The following MBP variants were observed in gnomAD, a reference collection of about 807,000 sequenced individuals.
The protein encoded by MBP is myelin basic protein, also known as Golli-MBP.
Under a neutral mutation model 35.8 loss-of-function variants are expected in MBP, and 16 were observed. That is an observed-to-expected ratio of 0.45 (90% CI 0.30 to 0.68). The LOEUF (loss-of-function observed/expected upper bound fraction) is 0.68. MBP is among the 30% of genes least tolerant of loss of function. The pLI, the probability that MBP is intolerant of heterozygous loss-of-function variation, is 0.08. For synonymous variants in MBP, 143 were observed against 159.6 expected (o/e 0.90, Z 0.78); for missense variants, 380 against 404.7 (o/e 0.94, Z 0.52).
rs1976006765 is a variant in MBP at position 77,101,509 on chromosome 18, C to T, written c.51+3702G>A. Among the ~76,000 whole-genome samples, 1 of 152,182 alleles carries T rather than the reference C, an allele frequency of 6.6e-6. No individual in the cohort carries two copies. The highest frequency in any genetic ancestry group is 2.1e-4 in the South Asian group (1 of 4,834). On this transcript the variant is annotated intron_variant, in intron 2 of 8. Coordinates refer to ENST00000355994, the MANE Select transcript of MBP (RefSeq NM_001025101.2). The surrounding 1 kb of genome is among the most constrained non-coding windows in gnomAD (Gnocchi z 4.3). ...AATCATGAGTCAGGAGGGCAGGCTG[C>T]CCACTCCTCTGATGGGCGGAGTGCT...
At chr18:77,125,315 T>C (rs1476512902) in intron 1 of MBP, among the ~76,000 whole-genome samples, 1 of 152,228 alleles carries the variant, frequency 6.6e-6, no homozygotes, top group African/African-American at 2.4e-5. Flanking sequence ...CTAATATAAA[T>C]TACTAATTAG....
chr18:77,099,429 T>C (rs1056227619), intron 2 of MBP, among the ~76,000 whole-genome samples: 3 of 152,238 alleles, frequency 2.0e-5, no homozygotes, highest in African/African-American at 7.2e-5. Context: ...TCATGAACAA[T>C]TTTTATATGG....
At chr18:77,115,379 T>C (rs1029115184) in intron 1 of MBP, 3 of 152,252 alleles carry the variant, frequency 2.0e-5, no homozygotes, top group African/African-American at 4.8e-5. Context: ...GCTCAGGCCA[T>C]GCGTACACAT....
At chr18:76,987,469 CT>C in intron 7 of MBP, 1 of 985,466 alleles carries the variant, frequency 1.0e-6, no homozygotes, top group Non-Finnish European at 1.2e-6. Flanking sequence ...ATCTGGGATC[CT>C]CATGGTCTCT....
Position 77,101,527 on chromosome 18 carries a change from G to A in MBP, c.51+3684C>T, listed in dbSNP as rs557836751. On this transcript the variant is annotated intron_variant, in intron 2 of 8. Coordinates refer to ENST00000355994, the MANE Select transcript of MBP (RefSeq NM_001025101.2). This position sits in a 1 kb window ranked among gnomAD's most constrained non-coding sequence, Gnocchi z 4.3. ...CAGGCTGCCCACTCCTCTGATGGGC[G>A]GAGTGCTTCTGCCTGAATCTGATGT... Among the ~76,000 whole-genome samples, 3 of 152,312 alleles carry A rather than the reference G, an allele frequency of 2.0e-5. No individual in the cohort carries two copies. The highest frequency in any genetic ancestry group is 1.3e-4 in the Admixed American group (2 of 15,308).
chr18:77,031,509 C>A (rs999195042), intron 3 of MBP, among the ~76,000 whole-genome samples: 1 of 152,228 alleles, frequency 6.6e-6, no homozygotes, highest in Non-Finnish European at 1.5e-5. Context: ...GACCTGAAGC[C>A]GGTCAGGTTC....
intron 7 of MBP, chr18:76,985,579 G>A (rs577718008): frequency 3.4e-5 from 37 of 1,095,342 alleles, no homozygotes; most frequent in African/African-American, 5.0e-5. Context: ...ACAGGAGGCC[G>A]GGGCTGCTGA....
chr18:77,052,624 T>C (rs1387182265), intron 3 of MBP, among the ~76,000 whole-genome samples: 3 of 152,334 alleles, frequency 2.0e-5, no homozygotes, highest in Non-Finnish European at 2.9e-5. Flanking sequence ...AATGCAGCTA[T>C]GATTTATGAG....
Position 76,989,359 on chromosome 18 carries a change from A to C in MBP, c.682-447T>G, listed in dbSNP as rs912124198. On this transcript the variant is annotated intron_variant, in intron 5 of 8. Coordinates refer to ENST00000355994, the MANE Select transcript of MBP (RefSeq NM_001025101.2). This position sits in a 1 kb window ranked among gnomAD's most constrained non-coding sequence, Gnocchi z 4.0. ...ATGTCTGCTGCACTGAGATCTTGGA[A>C]TTAGAAGCCTGTGGTTTTGTTCTTG... Among the ~76,000 whole-genome samples, 3 of 152,246 alleles carry C rather than the reference A, an allele frequency of 2.0e-5. No homozygotes were observed. The highest frequency in any genetic ancestry group is 4.4e-5 in the Non-Finnish European group (3 of 68,044).
rs1030508818 is a variant in MBP, at chr18:77,066,160, C to T, written c.139+138G>A. ...TACAGACATGAAGCAATGATCCCAG[C>T]CTCTATGTTTTAGTAATGAGTACAG... On this transcript the variant is annotated intron_variant, in intron 3 of 8. Coordinates refer to ENST00000355994, the MANE Select transcript of MBP (RefSeq NM_001025101.2). The T allele has an allele frequency of 1.5e-5, 10 of 656,608 alleles. No individual in the cohort carries two copies. In the African/African-American group the frequency reaches 1.8e-4, roughly 12 times the overall value. The allele number at this position is 656,608 out of a possible 1,614,324, so 40.7% of individuals were successfully genotyped here.
chr18:77,000,861 C>A (rs894714089), intron 4 of MBP, among the ~76,000 whole-genome samples: 2 of 152,190 alleles, frequency 1.3e-5, no homozygotes, highest in Non-Finnish European at 2.9e-5. Flanking sequence ...CAAGGCATTT[C>A]TTGGCAGCAT....
Position 76,988,676 on chromosome 18 carries a change from G to A in MBP, c.718-149C>T, listed in dbSNP as rs923410731. Reference sequence around the variant, plus strand: ...CTCCGAGGGGGGCCGCAGGCTCAGGGCCACAGCGGCTGTGCAGGTGCGGGA... The same window carrying A: ...CTCCGAGGGGGGCCGCAGGCTCAGGACCACAGCGGCTGTGCAGGTGCGGGA... On this transcript the variant is annotated intron_variant, in intron 6 of 8. Transcript: ENST00000355994. This position sits in a 1 kb window ranked among gnomAD's most constrained non-coding sequence, Gnocchi z 5.2. 1.4e-6 allele frequency: 2 copies of A among 1,448,632 alleles called. No homozygotes were observed. Among genetic ancestry groups the A allele is most frequent in the African/African-American group, 1.4e-5 (1 of 70,500 alleles). 89.7% of individuals were successfully genotyped at this position (1,448,632 alleles called of 1,614,324 possible). A position where few individuals can be genotyped will look rare whatever the true frequency, so the allele number is the denominator to read the frequency against.
intron 1 of MBP, among the ~76,000 whole-genome samples, chr18:77,124,512 C>A (rs950396285): frequency 7.2e-5 from 11 of 151,988 alleles, no homozygotes; most frequent in African/African-American, 2.7e-4. Flanking sequence ...ACCTCCTTCC[C>A]CAGCTGCACC....
rs569211733 is a variant in MBP, at chr18:77,074,598, G to A, written c.52-8213C>T. ...AGGCCTGGGAGGAGGAGATGCTCGG[G>A]GAACATGGCGAGAGTGGTGGGGTCA... On this transcript the variant is annotated intron_variant, in intron 2 of 8. Coordinates refer to ENST00000355994, the MANE Select transcript of MBP (RefSeq NM_001025101.2). Among the ~76,000 whole-genome samples the A allele has an allele frequency of 5.3e-4, 80 of 152,222 alleles. 2 individuals carry two copies. The South Asian group carries it at 0.016, about 31-fold the overall frequency.
rs1361145348 is a variant in MBP at position 76,988,158 on chromosome 18, T to C, written c.750+337A>G. On this transcript the variant is annotated intron_variant, in intron 7 of 8. Transcript: ENST00000355994. This position sits in a 1 kb window ranked among gnomAD's most constrained non-coding sequence, Gnocchi z 5.2. ...CTGGGGCTTCTCGCACTGGTTGTGT[T>C]GGAGGAAGTTAAACATTTTCTCGGA... is the stretch of plus-strand genomic sequence containing the variant. 5.2e-6 allele frequency: 8 copies of C among 1,537,532 alleles called. No individual in the cohort carries two copies. In the Admixed American group the frequency reaches 1.2e-4, roughly 23 times the overall value.
chr18:77,034,278 T>TA (rs1007020802), intron 3 of MBP, among the ~76,000 whole-genome samples: 2 of 151,808 alleles, frequency 1.3e-5, no homozygotes, highest in African/African-American at 4.8e-5. Flanking sequence ...CTAGCAAGGA[T>TA]GGGGGAAGTG....
chr18:77,046,217 G>C lies in MBP; in HGVS notation c.139+20081C>G, dbSNP rs555626415. ...CCTATAGAGACTTCACGTCCTGAGA[G>C]TGTCAGAGATGTTGGCTAGATGAGG... On this transcript the variant is annotated intron_variant, in intron 3 of 8. Coordinates refer to ENST00000355994, the MANE Select transcript of MBP (RefSeq NM_001025101.2). Among the ~76,000 whole-genome samples, 13 of 152,336 alleles carry C rather than the reference G, an allele frequency of 8.5e-5. No individual in the cohort carries two copies. In the East Asian group the frequency reaches 2.1e-3, roughly 25 times the overall value.
chr18:77,073,425 C>T (rs1217867703), intron 2 of MBP, among the ~76,000 whole-genome samples: 1 of 152,168 alleles, frequency 6.6e-6, no homozygotes, highest in African/African-American at 2.4e-5. Flanking sequence ...GCAGTAGCAA[C>T]ATTTCACCAT....
At chr18:76,987,180 G>T in intron 7 of MBP, 1 of 985,414 alleles carries the variant, frequency 1.0e-6, no homozygotes, top group Non-Finnish European at 1.2e-6. Context: ...CGGCACGACG[G>T]CCCCAAAGTC....
Sources: allele counts gnomAD v4.1 joint callset (sites outside exome capture counted in the v4.1 genomes callset), GRCh38; gene constraint gnomAD v4.1.1; non-coding constraint Gnocchi (gnomAD v3.1); transcripts MANE v1.5; gene names NCBI Gene and HGNC (gene_info 2026-07-23, HGNC 2026-07-21).